The following CAPN13 variants were observed in gnomAD, a reference collection of about 807,000 sequenced individuals.
CAPN13 encodes calpain 13, also known as calpain-13.
Under a neutral mutation model 98.4 loss-of-function variants are expected in CAPN13, and 90 were observed. The observed-to-expected ratio is 0.92, with a 90% CI of 0.77 to 1.09. CAPN13 has a LOEUF of 1.09. Ranked by LOEUF, CAPN13 falls within the 50% of genes least tolerant of loss-of-function variation. The pLI, the probability that CAPN13 is intolerant of heterozygous loss-of-function variation, is 0.00. For missense variants in CAPN13, 887 were observed against 841.3 expected, an observed-to-expected ratio of 1.05 and a Z score of -0.67; for synonymous variants, 330 against 305.5, an observed-to-expected ratio of 1.08 and a Z score of -0.84.
rs1456433998 is a variant in CAPN13 at position 30,754,303 on chromosome 2, C to A, written c.928G>T (p.Asp310Tyr). 6 of 1,606,158 alleles carry A rather than the reference C, an allele frequency of 3.7e-6. No individual in the cohort carries two copies. Among genetic ancestry groups the A allele is most frequent in the Non-Finnish European group, 5.1e-6 (6 of 1,176,744 alleles). The change falls in exon 9 of 23, where the codon GAT becomes TAT. Residue 310 changes from aspartate to tyrosine, a missense_variant. By Grantham distance (160) the Asp-to-Tyr change is radical. Coordinates refer to ENST00000295055, the MANE Select transcript of CAPN13 (RefSeq NM_144575.3). The stretch of plus-strand genomic sequence containing the variant: ...AAGGGTAAATACCAAAACTCGCCAT[C>A]TTCCCGTTTCTTATGTAGCTGGCTT... ...RKSQLHKKRE[D>Y]GEFWMSCQDF...
At chr2:30,744,172 C>T (rs1671797580) in intron 12 of CAPN13, among the ~76,000 whole-genome samples, 1 of 152,304 alleles carries the variant, frequency 6.6e-6, no homozygotes, top group South Asian at 2.1e-4. Flanking sequence ...AATGAAAACC[C>T]CTTGCTAAAC....
At chr2:30,806,335 C>T (rs1675621750) in intron 1 of CAPN13, 1 of 152,182 alleles carries the variant, frequency 6.6e-6, no homozygotes, top group Non-Finnish European at 1.5e-5. Context: ...TAGATTATTA[C>T]ATTTCCATCA....
chr2:30,738,162 T>C (rs758125910), intron 17 of CAPN13, 73 bp downstream of exon 17: 1 of 1,541,426 alleles, frequency 6.5e-7, no homozygotes. Flanking sequence ...CCTACTGTCC[T>C]AATTAGGTCT....
At chr2:30,737,938 T>A (rs905882058) in intron 17 of CAPN13, 8 of 419,348 alleles carry the variant, frequency 1.9e-5, no homozygotes, top group Non-Finnish European at 3.5e-5. Flanking sequence ...CTTTTTTGTA[T>A]CAGAGGGATT....
intron 22 of CAPN13, among the ~76,000 whole-genome samples, chr2:30,730,483 C>T (rs373108521): frequency 3.9e-5 from 6 of 152,156 alleles, no homozygotes; most frequent in Non-Finnish European, 7.3e-5. Flanking sequence ...GGATTCTAAA[C>T]CCTCATTCAT....
chr2:30,749,622 G>A (rs1302200305), intron 11 of CAPN13, among the ~76,000 whole-genome samples: 1 of 152,200 alleles, frequency 6.6e-6, no homozygotes, highest in Non-Finnish European at 1.5e-5. Flanking sequence ...GCTCAGAAAG[G>A]TGACTTGTGT....
intron 8 of CAPN13, among the ~76,000 whole-genome samples, chr2:30,757,079 G>C (rs1210120681): frequency 6.6e-6 from 1 of 152,182 alleles, no homozygotes; most frequent in Non-Finnish European, 1.5e-5. Flanking sequence ...TGTGTGCTGG[G>C]CTCGTTCCTG....
chr2:30,789,972 C>T (rs2148080335), intron 1 of CAPN13, among the ~76,000 whole-genome samples: 1 of 152,228 alleles, frequency 6.6e-6, no homozygotes, highest in South Asian at 2.1e-4. Flanking sequence ...GAAGGGAAGG[C>T]TTGGGGACAG....
chr2:30,760,999 A>G (rs938492577), intron 7 of CAPN13, among the ~76,000 whole-genome samples: 5 of 152,392 alleles, frequency 3.3e-5, no homozygotes, highest in African/African-American at 1.2e-4. Flanking sequence ...CTGGCCATTA[A>G]CAGTTATTCC....
At chr2:30,740,561 C>T (rs1671603688) in intron 15 of CAPN13, among the ~76,000 whole-genome samples, 1 of 152,204 alleles carries the variant, frequency 6.6e-6, no homozygotes, top group Non-Finnish European at 1.5e-5. Flanking sequence ...CTCAAGAGGG[C>T]CTGGCTGAGA....
chr2:30,769,663 G>C (rs150791602), intron 5 of CAPN13, among the ~76,000 whole-genome samples: 1 of 152,274 alleles, frequency 6.6e-6, no homozygotes, highest in African/African-American at 2.4e-5. Context: ...AAGAATCTAA[G>C]TACGACATGT....
At position 30,758,195 on chromosome 2, in the gene CAPN13, G is replaced by C. The variant is rs573859249; in HGVS notation, c.775-58C>G. On this transcript the variant is annotated intron_variant, in intron 7 of 22. Transcript: ENST00000295055. The stretch of plus-strand genomic sequence containing the variant: ...TCTACAGCAAAAGTCAGCAGAAAGG[G>C]GGATGAATGCAGCTGCTTTTTACCT... The C allele has an allele frequency of 5.4e-6, 7 of 1,301,368 alleles. No homozygotes were observed. The South Asian group carries it at 8.3e-5, about 15-fold the overall frequency. 80.6% of individuals were successfully genotyped at this position (1,301,368 alleles called of 1,614,324 possible).
rs549782939 is a variant in CAPN13, at chr2:30,764,694, C to T, written c.525-388G>A. ...ACATAGTGCCCGGCACGTGACCATCCCTTAATGAGTCCTGGATATTATTAT... is the reference window on the plus strand; with the variant it reads ...ACATAGTGCCCGGCACGTGACCATCTCTTAATGAGTCCTGGATATTATTAT... On this transcript the variant is annotated intron_variant, in intron 5 of 22. Transcript: ENST00000295055. 4.6e-5 allele frequency among the ~76,000 whole-genome samples: 7 copies of T among 152,284 alleles called. No homozygotes were observed. The East Asian group carries it at 1.4e-3, about 29-fold the overall frequency.
intron 15 of CAPN13, among the ~76,000 whole-genome samples, chr2:30,741,177 G>A (rs752534653): frequency 2.0e-4 from 31 of 152,264 alleles, no homozygotes; most frequent in Admixed American, 9.2e-4. Context: ...TGCAACACAT[G>A]CCACTCATTC....
chr2:30,777,136 G>T (rs1334461432), intron 3 of CAPN13, among the ~76,000 whole-genome samples: 1 of 152,128 alleles, frequency 6.6e-6, no homozygotes, highest in Non-Finnish European at 1.5e-5. Flanking sequence ...CTCCTCTTAG[G>T]CAGCCCCTCC....
In CAPN13 at chr2:30,735,444, C is replaced by A. The variant is rs545804333; in HGVS notation, c.1723-920G>T. Among the ~76,000 whole-genome samples, 123 of 152,320 alleles carry A rather than the reference C, an allele frequency of 8.1e-4. 1 individual carries two copies. The highest frequency in any genetic ancestry group is 2.9e-3 in the African/African-American group (121 of 41,568). On this transcript the variant is annotated intron_variant, in intron 18 of 22. Coordinates refer to ENST00000295055, the MANE Select transcript of CAPN13 (RefSeq NM_144575.3). ...TGGACAGCTTTTTGGGGGCCTTATTCGGCTTTTGGTGAGTGCAAGGACAGA... is the reference window on the plus strand; with the variant it reads ...TGGACAGCTTTTTGGGGGCCTTATTAGGCTTTTGGTGAGTGCAAGGACAGA...
chr2:30,746,081 TA>T (rs1483812716), intron 11 of CAPN13, among the ~76,000 whole-genome samples: 1 of 152,000 alleles, frequency 6.6e-6, no homozygotes, highest in African/African-American at 2.4e-5. Context: ...TTGTTTTTAG[TA>T]GAGACGGGGT....
chr2:30,775,118 G>A (rs1040867562), intron 4 of CAPN13, among the ~76,000 whole-genome samples: 1 of 152,140 alleles, frequency 6.6e-6, no homozygotes, highest in Non-Finnish European at 1.5e-5. Context: ...TCCAGATTCT[G>A]TTAAAGAAAG....
intron 3 of CAPN13, 65 bp downstream of exon 3, chr2:30,777,500 CTG>C: frequency 7.2e-7 from 1 of 1,394,156 alleles, no homozygotes; most frequent in South Asian, 1.2e-5. Flanking sequence ...GGGCAGGACT[CTG>C]TGGGTAAGCA....
Sources: gnomAD v4.1 joint callset for allele counts (sites outside exome capture counted in the v4.1 genomes callset) on GRCh38, gnomAD v4.1.1 for gene constraint, MANE v1.5 for transcripts, NCBI Gene and HGNC (gene_info 2026-07-23, HGNC 2026-07-21) for gene names.